Variants in TNIK observed in about 807,000 individuals in gnomAD.
TNIK encodes the protein TRAF2 and NCK interacting kinase, also known as TRAF2 and NCK-interacting protein kinase.
TNIK carries 49 observed loss-of-function variants against 191.3 expected under a neutral mutation model. The observed-to-expected ratio is 0.26, with a 90% CI of 0.20 to 0.32. TNIK has a LOEUF of 0.32. Among genes scored for constraint, TNIK ranks in the 10% least tolerant of loss-of-function variants. The pLI, the probability that TNIK is intolerant of heterozygous loss-of-function variation, is 1.00. For synonymous variants in TNIK, 594 were observed against 600.9 expected, an observed-to-expected ratio of 0.99 and a Z score of 0.17; for missense variants, 1,155 against 1,702.3, an observed-to-expected ratio of 0.68 and a Z score of 5.66.
At chr3:171,110,256 C>G (rs376526609) in intron 19 of TNIK, among the ~76,000 whole-genome samples, 3 of 152,236 alleles carry the variant, frequency 2.0e-5, no homozygotes, top group African/African-American at 7.2e-5. Flanking sequence ...CAAGTGTATT[C>G]TACATTAGTC....
At chr3:171,215,796 T>C (rs1741389194) in intron 3 of TNIK, among the ~76,000 whole-genome samples, 1 of 152,190 alleles carries the variant, frequency 6.6e-6, no homozygotes, top group Non-Finnish European at 1.5e-5. Context: ...TATGCTAGCA[T>C]TTAAAAATGG....
At chr3:171,065,010 G>A (rs191559648) in intron 32 of TNIK, among the ~76,000 whole-genome samples, 6 of 152,334 alleles carry the variant, frequency 3.9e-5, no homozygotes, top group African/African-American at 1.4e-4. Context: ...AGAAAAGAAA[G>A]GGCTGCTCTT....
rs181352473 is a variant in TNIK, at chr3:171,435,438, C to T, written c.57+24569G>A. ...AAAGAAAAAGGATGGGGATGACTGC[C>T]GGGTAGGGAACCAACAGTGTGCACC... On this transcript the variant is annotated intron_variant, in intron 1 of 32. Transcript: ENST00000436636. 1.2e-3 allele frequency among the ~76,000 whole-genome samples: 185 copies of T among 152,230 alleles called. 1 individual carries two copies. Among genetic ancestry groups the T allele is most frequent in the African/African-American group, 4.1e-3 (170 of 41,536 alleles).
chr3:171,132,048 A>G (rs994070354), intron 15 of TNIK, among the ~76,000 whole-genome samples: 2 of 152,360 alleles, frequency 1.3e-5, no homozygotes, highest in African/African-American at 4.8e-5. Flanking sequence ...ATATGTTTCA[A>G]TGCCTGAGGA....
At chr3:171,087,585 A>G (rs931076254) in intron 23 of TNIK, 79 bp from the exon 24 acceptor site, 100 of 1,515,704 alleles carry the variant, frequency 6.6e-5, no homozygotes, top group Middle Eastern at 2.3e-4. Flanking sequence ...CACACAGCAT[A>G]GGCATACGGG....
intron 23 of TNIK, among the ~76,000 whole-genome samples, chr3:171,091,020 A>G (rs1721989742): frequency 6.6e-6 from 1 of 152,150 alleles, no homozygotes; most frequent in Admixed American, 6.5e-5. Flanking sequence ...ATAAACTTTA[A>G]CCTGCATTTA....
At chr3:171,230,682 C>G (rs1743510226) in intron 2 of TNIK, among the ~76,000 whole-genome samples, 1 of 152,186 alleles carries the variant, frequency 6.6e-6, no homozygotes, top group African/African-American at 2.4e-5. Context: ...ACAACTTACT[C>G]TCTCTTTCCA....
At chr3:171,233,624 G>C (rs190192414) in intron 2 of TNIK, among the ~76,000 whole-genome samples, 143 of 152,308 alleles carry the variant, frequency 9.4e-4, no homozygotes, top group Middle Eastern at 3.4e-3. Context: ...GGTGAAGGAT[G>C]ATGGCCACTT....
intron 22 of TNIK, among the ~76,000 whole-genome samples, chr3:171,099,632 G>A (rs940643147): frequency 6.6e-6 from 1 of 152,100 alleles, no homozygotes; most frequent in African/African-American, 2.4e-5. Flanking sequence ...GGCACTACAT[G>A]AAGATGCAGG....
intron 3 of TNIK, among the ~76,000 whole-genome samples, chr3:171,221,823 G>A (rs1314482437): frequency 6.6e-6 from 1 of 152,024 alleles, no homozygotes; most frequent in African/African-American, 2.4e-5. Flanking sequence ...TAGGGTGAGT[G>A]CAAACTATTT....
At chr3:171,306,690 G>A (rs1753490325) in intron 2 of TNIK, among the ~76,000 whole-genome samples, 1 of 151,938 alleles carries the variant, frequency 6.6e-6, no homozygotes, top group Admixed American at 6.6e-5. Context: ...TCATTCAAAT[G>A]GGCTTTCATG....
chr3:171,442,101 A>G (rs975008380), intron 1 of TNIK, among the ~76,000 whole-genome samples: 1 of 152,232 alleles, frequency 6.6e-6, no homozygotes, highest in African/African-American at 2.4e-5. Context: ...ACTCAAATAA[A>G]AATGTTCCTT....
At chr3:171,120,578 CA>C (rs1199267908) in intron 18 of TNIK, among the ~76,000 whole-genome samples, 2 of 152,156 alleles carry the variant, frequency 1.3e-5, no homozygotes, top group Non-Finnish European at 2.9e-5. Flanking sequence ...CTCGGCCTCC[CA>C]AAGTGCTGGG....
At chr3:171,280,146 C>T (rs1045431655) in intron 2 of TNIK, among the ~76,000 whole-genome samples, 1 of 152,158 alleles carries the variant, frequency 6.6e-6, no homozygotes, top group Non-Finnish European at 1.5e-5. Flanking sequence ...TGGATGGGCA[C>T]CACACCCCAT....
At chr3:171,103,704 A>G (rs1723994398) in intron 21 of TNIK, among the ~76,000 whole-genome samples, 1 of 152,154 alleles carries the variant, frequency 6.6e-6, no homozygotes, top group South Asian at 2.1e-4. Context: ...TATATAATTT[A>G]AAGAGAGAAT....
At chr3:171,106,611 A>G (rs551285056) in intron 21 of TNIK, 24 of 511,672 alleles carry the variant, frequency 4.7e-5, no homozygotes, top group South Asian at 3.3e-4. Flanking sequence ...CAAGCTACCT[A>G]CAACTGACAA....
At chr3:171,205,233 A>G (rs1739910981) in intron 4 of TNIK, among the ~76,000 whole-genome samples, 1 of 152,124 alleles carries the variant, frequency 6.6e-6, no homozygotes, top group African/African-American at 2.4e-5. Context: ...TCTTCTTCCT[A>G]GTTCTTTCTT....
chr3:171,137,270 G>A (rs937108922), intron 15 of TNIK, among the ~76,000 whole-genome samples: 2 of 151,284 alleles, frequency 1.3e-5, no homozygotes, highest in Non-Finnish European at 2.9e-5. Flanking sequence ...AAGAAATCTG[G>A]TTCTAGTAAT....
chr3:171,457,607 C>G lies in TNIK; in HGVS notation c.57+2400G>C, dbSNP rs9874422. Among the ~76,000 whole-genome samples, 953 of 152,288 alleles carry G rather than the reference C, an allele frequency of 6.3e-3. 7 individuals are homozygous for G. The highest frequency in any genetic ancestry group is 0.022 in the African/African-American group (917 of 41,566). ...TGGCAAGGTGGAGATGATCTGCCCT[C>G]TGATTTGTGGAGATTACCTATGTGG... On this transcript the variant is annotated intron_variant, in intron 1 of 32. Transcript: ENST00000436636.
Sources: allele counts gnomAD v4.1 joint callset (sites outside exome capture counted in the v4.1 genomes callset), GRCh38; gene constraint gnomAD v4.1.1; transcripts MANE v1.5; gene names NCBI Gene and HGNC (gene_info 2026-07-23, HGNC 2026-07-21).